Variants in ARHGAP42 observed in about 807,000 individuals in gnomAD.
ARHGAP42 encodes the protein Rho GTPase activating protein 42, also known as rho GTPase-activating protein 42.
Under a neutral mutation model 125.0 loss-of-function variants are expected in ARHGAP42, and 63 were observed. The ratio of observed to expected loss-of-function variants is 0.50; its 90% CI spans 0.41 to 0.62. ARHGAP42 has a LOEUF of 0.62. Ranked by LOEUF, ARHGAP42 falls within the 20% of genes least tolerant of loss-of-function variation. ARHGAP42 has a pLI of 0.00. For synonymous variants in ARHGAP42, 339 were observed against 351.0 expected (o/e 0.97, Z 0.38); for missense variants, 766 against 1,024.2 (o/e 0.75, Z 3.44).
In ARHGAP42 at chr11:100,875,140, TGTGTGTGTGTGTGG is replaced by T. The variant is rs1334306245; in HGVS notation, c.384+15516_384+15529del. Among the ~76,000 whole-genome samples, 692 of 150,758 alleles carry T rather than the reference TGTGTGTGTGTGTGG, an allele frequency of 4.6e-3. 7 individuals carry two copies. Among genetic ancestry groups the T allele is most frequent in the African/African-American group, 0.016 (657 of 40,718 alleles). ...GTGTGTGTGTGTGTGTGTGTGTGTG[TGTGTGTGTGTGTGG>T]CTCATGAACTATGAATGGTTGTTAC... On this transcript the variant is annotated intron_variant, in intron 4 of 23. Coordinates refer to ENST00000298815, the MANE Select transcript of ARHGAP42 (RefSeq NM_152432.4).
At chr11:100,763,676 G>A (rs1862762466) in intron 1 of ARHGAP42, among the ~76,000 whole-genome samples, 1 of 151,988 alleles carries the variant, frequency 6.6e-6, no homozygotes, top group Admixed American at 6.6e-5. Context: ...TTTCAGTAGA[G>A]ATGGGGTTTC....
At chr11:100,710,486 C>T (rs1555108972) in intron 1 of ARHGAP42, among the ~76,000 whole-genome samples, 1 of 150,204 alleles carries the variant, frequency 6.7e-6, no homozygotes, top group Admixed American at 6.6e-5. Flanking sequence ...CTGCCCACCT[C>T]GGCCTCCCAA....
intron 4 of ARHGAP42, among the ~76,000 whole-genome samples, chr11:100,883,608 G>C (rs992931530): frequency 3.9e-5 from 6 of 152,146 alleles, no homozygotes; most frequent in African/African-American, 1.4e-4. Flanking sequence ...CTCCCAAATT[G>C]CTGGGATTAC....
chr11:100,920,493 G>A (rs186798998), intron 5 of ARHGAP42, among the ~76,000 whole-genome samples: 1 of 151,860 alleles, frequency 6.6e-6, no homozygotes, highest in Admixed American at 6.6e-5. Context: ...TCCCCAAATT[G>A]GTGTCAACGG....
At chr11:100,787,142 G>A (rs1288944533) in intron 2 of ARHGAP42, among the ~76,000 whole-genome samples, 1 of 151,946 alleles carries the variant, frequency 6.6e-6, no homozygotes, top group Non-Finnish European at 1.5e-5. Context: ...GGCGGGCATG[G>A]TGGTGGGCGC....
At chr11:100,959,974 C>T in intron 13 of ARHGAP42, 29 bp downstream of exon 13, 7 of 1,529,878 alleles carry the variant, frequency 4.6e-6, no homozygotes, top group Non-Finnish European at 6.2e-6. Flanking sequence ...GTACAGCATC[C>T]CTGTCATGTG....
At chr11:100,799,182 A>AT (rs1235260478) in intron 3 of ARHGAP42, among the ~76,000 whole-genome samples, 4 of 152,192 alleles carry the variant, frequency 2.6e-5, no homozygotes, top group African/African-American at 9.7e-5. Flanking sequence ...GATTCAGGTG[A>AT]TATTACTTTG....
chr11:100,832,648 T>C (rs966342042), intron 3 of ARHGAP42, among the ~76,000 whole-genome samples: 3 of 152,170 alleles, frequency 2.0e-5, no homozygotes, highest in Non-Finnish European at 4.4e-5. Flanking sequence ...TTACAGAACA[T>C]TGAAGCTAAA....
At chr11:100,909,803 T>C (rs1866861177) in intron 4 of ARHGAP42, among the ~76,000 whole-genome samples, 1 of 152,230 alleles carries the variant, frequency 6.6e-6, no homozygotes, top group Non-Finnish European at 1.5e-5. Flanking sequence ...CCCTATTATA[T>C]ATTTTTGTCA....
At chr11:100,912,921 A>T (rs1866964540) in intron 4 of ARHGAP42, among the ~76,000 whole-genome samples, 1 of 152,188 alleles carries the variant, frequency 6.6e-6, no homozygotes, top group African/African-American at 2.4e-5. Context: ...CTTCTCCTCC[A>T]TGTCAAGAAT....
At chr11:100,789,220 A>G (rs1863505965) in intron 2 of ARHGAP42, among the ~76,000 whole-genome samples, 2 of 152,218 alleles carry the variant, frequency 1.3e-5, no homozygotes, top group Admixed American at 6.5e-5. Context: ...CATCATCTGG[A>G]CTTATAAAAT....
chr11:100,704,942 C>T (rs1861454396), intron 1 of ARHGAP42, among the ~76,000 whole-genome samples: 1 of 141,784 alleles, frequency 7.1e-6, no homozygotes, highest in South Asian at 2.2e-4. Context: ...CAAGCCACTG[C>T]ACCACAGCCT....
chr11:100,906,317 T>C (rs892814155), intron 4 of ARHGAP42, among the ~76,000 whole-genome samples: 8 of 152,322 alleles, frequency 5.3e-5, no homozygotes, highest in Non-Finnish European at 7.4e-5. Context: ...ATAATTTAAC[T>C]AGAAATAGAA....
chr11:100,977,952 C>A (rs928648206), intron 21 of ARHGAP42, among the ~76,000 whole-genome samples: 3 of 152,160 alleles, frequency 2.0e-5, no homozygotes, highest in African/African-American at 7.2e-5. Flanking sequence ...TTAGTTCATC[C>A]TTTTCTCTGA....
Position 100,695,951 on chromosome 11 carries a change from C to G in ARHGAP42, c.154+8119C>G, listed in dbSNP as rs374249174. On this transcript the variant is annotated intron_variant, in intron 1 of 23. Transcript: ENST00000298815. ...TAGGATAAGACTAATAGTGGCTGGG[C>G]GTGATGGCTTACAGCTGTAATCCCA... 2.8e-3 allele frequency among the ~76,000 whole-genome samples: 431 copies of G among 152,136 alleles called. 2 individuals are homozygous for G. The highest frequency in any genetic ancestry group is 9.8e-3 in the African/African-American group (405 of 41,512).
intron 3 of ARHGAP42, among the ~76,000 whole-genome samples, chr11:100,796,203 A>G (rs571983567): frequency 1.1e-4 from 17 of 151,980 alleles, no homozygotes; most frequent in Non-Finnish European, 2.2e-4. Context: ...CATTAGTGTT[A>G]TATCTGTTGT....
intron 5 of ARHGAP42, among the ~76,000 whole-genome samples, chr11:100,920,137 TG>T (rs1385964718): frequency 6.6e-6 from 1 of 152,198 alleles, no homozygotes; most frequent in Non-Finnish European, 1.5e-5. Flanking sequence ...TGAAAAGTTT[TG>T]GGTTCAAATC....
chr11:100,948,534 CG>C lies in ARHGAP42; in HGVS notation c.1122+1del. On this transcript the variant is annotated frameshift_variant and splice_region_variant, in exon 11 of 24. Transcript: ENST00000298815. LOFTEE classifies it high-confidence loss of function. ...LWLEAMDGKE[P>X]IYTLPAIISK... ...CTTGAAGCCATGGATGGGAAGGAAC[CG>C]GTAAGACTATGACACATTCTATAAT... 6.5e-7 allele frequency: 1 copy of C among 1,547,902 alleles called. No homozygotes were observed. The highest frequency in any genetic ancestry group is 8.7e-7 in the Non-Finnish European group (1 of 1,144,490).
intron 12 of ARHGAP42, among the ~76,000 whole-genome samples, chr11:100,956,822 G>C (rs536514517): frequency 4.1e-4 from 62 of 152,176 alleles, no homozygotes; most frequent in African/African-American, 1.5e-3. Context: ...TGAAGAAACA[G>C]ATCATTGCTC....
Sources: gnomAD v4.1 joint callset for allele counts (sites outside exome capture counted in the v4.1 genomes callset) on GRCh38, gnomAD v4.1.1 for gene constraint, MANE v1.5 for transcripts, NCBI Gene and HGNC (gene_info 2026-07-23, HGNC 2026-07-21) for gene names.